USP6NL: variants seen among roughly 807,000 people sequenced by gnomAD.
The protein encoded by USP6NL is USP6 N-terminal like, also known as USP6 N-terminal-like protein.
In USP6NL, 26 loss-of-function variants were observed where a neutral mutation model predicts 61.9. That is an observed-to-expected ratio of 0.42 (90% CI 0.31 to 0.58). USP6NL has a LOEUF of 0.58. USP6NL is among the 20% of genes least tolerant of loss of function. The pLI, the probability that USP6NL is intolerant of heterozygous loss-of-function variation, is 0.16. For missense variants in USP6NL, 1,114 were observed against 1,034.3 expected, an observed-to-expected ratio of 1.08 and a Z score of -1.06; for synonymous variants, 432 against 390.1, an observed-to-expected ratio of 1.11 and a Z score of -1.27.
At chr10:11,564,635 A>C (rs553541433) in intron 2 of USP6NL, 1 of 152,352 alleles carries the variant, frequency 6.6e-6, no homozygotes, top group South Asian at 2.1e-4. Flanking sequence ...CATACGCTGT[A>C]AGATAATAAG....
chr10:11,518,420 A>C lies in USP6NL; in HGVS notation c.195+115T>G, dbSNP rs896646085. 5 of 891,112 alleles carry C rather than the reference A, an allele frequency of 5.6e-6. No homozygotes were observed. The Admixed American group carries it at 6.6e-5, about 12-fold the overall frequency. 55.2% of individuals were successfully genotyped at this position (891,112 alleles called of 1,614,324 possible). ...GCATAATGAGGTCCAAAATCTAACAATGACTGTACCATTCCCATATAATAT... is the reference window on the plus strand; with the variant it reads ...GCATAATGAGGTCCAAAATCTAACACTGACTGTACCATTCCCATATAATAT... On this transcript the variant is annotated intron_variant, in intron 5 of 14. Transcript: ENST00000609104. The surrounding 1 kb of genome is among the most constrained non-coding windows in gnomAD (Gnocchi z 5.3).
chr10:11,588,570 A>G (rs1404824534), intron 2 of USP6NL, among the ~76,000 whole-genome samples: 1 of 152,212 alleles, frequency 6.6e-6, no homozygotes, highest in Non-Finnish European at 1.5e-5. Context: ...CAAGGAGTAG[A>G]TGTAAGAATT....
Position 11,543,873 on chromosome 10 carries a change from G to A in USP6NL, c.5-16306C>T, listed in dbSNP as rs187853587. Among the ~76,000 whole-genome samples, 1,049 of 142,630 alleles carry A rather than the reference G, an allele frequency of 7.4e-3. 13 individuals are homozygous for A. Among genetic ancestry groups the A allele is most frequent in the Non-Finnish European group, 0.011 (743 of 65,940 alleles). The allele number at this position is 142,630 out of a possible 152,430, so 93.6% of individuals were successfully genotyped here. On this transcript the variant is annotated intron_variant, in intron 2 of 14. Coordinates refer to ENST00000609104, the MANE Select transcript of USP6NL (RefSeq NM_014688.5). ...TGTCACCAGGATGGAGTGCAGTGGCGCAGTCTCGGCTCACTGCAACCTCCG... is the reference window on the plus strand; with the variant it reads ...TGTCACCAGGATGGAGTGCAGTGGCACAGTCTCGGCTCACTGCAACCTCCG...
intron 4 of USP6NL, among the ~76,000 whole-genome samples, chr10:11,521,817 G>C (rs1407046791): frequency 6.6e-6 from 1 of 152,150 alleles, no homozygotes; most frequent in Non-Finnish European, 1.5e-5. Context: ...CTGAAGCTTG[G>C]TATTAATTTT....
At chr10:11,588,099 T>A (rs1461315122) in intron 2 of USP6NL, among the ~76,000 whole-genome samples, 1 of 152,222 alleles carries the variant, frequency 6.6e-6, no homozygotes, top group Non-Finnish European at 1.5e-5. Flanking sequence ...CCATCATCCA[T>A]CATCTGAGGA....
In USP6NL at chr10:11,485,141, TG is replaced by T; in HGVS notation, c.825+27del. 6.5e-7 allele frequency: 1 copy of T among 1,537,684 alleles called. No homozygotes were observed. Among genetic ancestry groups the T allele is most frequent in the African/African-American group, 1.4e-5 (1 of 72,250 alleles). The stretch of plus-strand genomic sequence containing the variant: ...CCCTCACCTTGTATTTATAATTTTA[TG>T]ACTGAGTTTTGTAAATAAATACTTA... On this transcript the variant is annotated intron_variant, in intron 12 of 14. Transcript: ENST00000609104. The surrounding 1 kb of genome is among the most constrained non-coding windows in gnomAD (Gnocchi z 4.8).
At position 11,465,616 on chromosome 10, in the gene USP6NL, T is replaced by C. The variant is rs543733295; in HGVS notation, c.1079-1767A>G. On this transcript the variant is annotated intron_variant, in intron 14 of 14. Coordinates refer to ENST00000609104, the MANE Select transcript of USP6NL (RefSeq NM_014688.5). The surrounding 1 kb of genome is among the most constrained non-coding windows in gnomAD (Gnocchi z 4.5). ...GGTCTGCTGCTGCTGCTGCTGCTAC[T>C]GCTGCTGTGCCTGTACGTGCTCTCC... 5.9e-5 allele frequency among the ~76,000 whole-genome samples: 9 copies of C among 152,380 alleles called. No individual in the cohort carries two copies. The South Asian group carries it at 1.9e-3, about 32-fold the overall frequency.
In USP6NL at chr10:11,527,560, GTC is replaced by G. The variant is rs755204217; in HGVS notation, c.10_11del (p.Asp4ProfsTer13). On this transcript the variant is annotated frameshift_variant, in exon 3 of 15. Coordinates refer to ENST00000609104, the MANE Select transcript of USP6NL (RefSeq NM_014688.5). LOFTEE classifies it high-confidence loss of function. ...GGGCAAGTTTGAGTGCTACATCCTG[GTC>G]TGAATCTGTGGAGAAGACATCAAAT... is the stretch of plus-strand genomic sequence containing the variant. MNS[D>X]QDVALKLAQE... 1 of 1,608,344 alleles carries G rather than the reference GTC, an allele frequency of 6.2e-7. No individual in the cohort carries two copies. Among genetic ancestry groups the G allele is most frequent in the Non-Finnish European group, 8.5e-7 (1 of 1,177,124 alleles).
chr10:11,524,742 T>C (rs957996582), intron 4 of USP6NL, among the ~76,000 whole-genome samples: 32 of 152,264 alleles, frequency 2.1e-4, no homozygotes, highest in Middle Eastern at 3.4e-3. Context: ...AATCCTTAAA[T>C]TGCATGGAAC....
In USP6NL at chr10:11,462,301, C is replaced by A; in HGVS notation, c.*140G>T. 1 of 1,015,726 alleles carries A rather than the reference C, an allele frequency of 9.8e-7. No homozygotes were observed. The highest frequency in any genetic ancestry group is 1.4e-6 in the Non-Finnish European group (1 of 715,980). 62.9% of individuals were successfully genotyped at this position (1,015,726 alleles called of 1,614,324 possible). A position where few individuals can be genotyped will look rare whatever the true frequency, so the allele number is the denominator to read the frequency against. On this transcript the variant is annotated 3_prime_UTR_variant, in exon 15 of 15. Transcript: ENST00000609104. Reference sequence around the variant, plus strand: ...CATCTACGTGGGGCTGAAGACATTTCCCTGTATTCTTACTACTAACAGACA... The same window carrying A: ...CATCTACGTGGGGCTGAAGACATTTACCTGTATTCTTACTACTAACAGACA...
rs1193447020 is a variant in USP6NL, at chr10:11,513,001, G to A, written c.196-3326C>T. Among the ~76,000 whole-genome samples the A allele has an allele frequency of 2.0e-5, 3 of 152,298 alleles. No homozygotes were observed. In the East Asian group the frequency reaches 5.8e-4, roughly 29 times the overall value. On this transcript the variant is annotated intron_variant, in intron 5 of 14. Transcript: ENST00000609104. This position sits in a 1 kb window ranked among gnomAD's most constrained non-coding sequence, Gnocchi z 4.7. ...CATTGTTACAGCACCTAACACCTGTGTTCTAGTTGGCCTAAATGCCCAAAT... is the reference window on the plus strand; with the variant it reads ...CATTGTTACAGCACCTAACACCTGTATTCTAGTTGGCCTAAATGCCCAAAT...
In USP6NL at chr10:11,525,537, G is replaced by A; in HGVS notation, c.73-69C>T. The A allele has an allele frequency of 7.4e-7, 1 of 1,346,090 alleles. No homozygotes were observed. The highest frequency in any genetic ancestry group is 1.0e-6 in the Non-Finnish European group (1 of 995,232). The allele number at this position is 1,346,090 out of a possible 1,614,324, so 83.4% of individuals were successfully genotyped here. A position where few individuals can be genotyped will look rare whatever the true frequency, so the allele number is the denominator to read the frequency against. ...ACTGAATAATTTTTTAAAATAAAAGGACGAAGAAATAAGAGCTATTTTTAA... is the reference window on the plus strand; with the variant it reads ...ACTGAATAATTTTTTAAAATAAAAGAACGAAGAAATAAGAGCTATTTTTAA... On this transcript the variant is annotated intron_variant, in intron 3 of 14. Transcript: ENST00000609104. This position sits in a 1 kb window ranked among gnomAD's most constrained non-coding sequence, Gnocchi z 5.0.
At chr10:11,541,227 T>C (rs1279372607) in intron 2 of USP6NL, among the ~76,000 whole-genome samples, 8 of 79,974 alleles carry the variant, frequency 1.0e-4, no homozygotes, top group African/African-American at 3.5e-4. Flanking sequence ...ACATCAATAG[T>C]GCCATATATA....
intron 2 of USP6NL, among the ~76,000 whole-genome samples, chr10:11,555,433 A>AAAAAAATATATATATATAT (rs1275798295): frequency 2.0e-5 from 1 of 49,040 alleles, no homozygotes; most frequent in Non-Finnish European, 3.4e-5. Flanking sequence ...AAAAAAAAAA[A>AAAAAAATATATATATATAT]ATATATATAT....
chr10:11,570,956 C>A (rs1837335832), intron 2 of USP6NL, among the ~76,000 whole-genome samples: 1 of 152,214 alleles, frequency 6.6e-6, no homozygotes, highest in South Asian at 2.1e-4. Context: ...TCAAAACACA[C>A]TAACCCACTA....
Position 11,463,198 on chromosome 10 carries a change from G to C in USP6NL, c.1730C>G (p.Pro577Arg), listed in dbSNP as rs201400885. The change falls in exon 15 of 15, where the codon CCC becomes CGC. Residue 577 changes from proline (P) to arginine (R), a missense_variant. By Grantham distance (103) the Pro-to-Arg change is moderately radical (BLOSUM62 -2). Coordinates refer to ENST00000609104, the MANE Select transcript of USP6NL (RefSeq NM_014688.5). This position sits in a 1 kb window ranked among gnomAD's most constrained non-coding sequence, Gnocchi z 6.3. Reference protein sequence around the residue: ...EALERAYSQSPRHALYPPSPR... With the variant: ...EALERAYSQSRRHALYPPSPR... ...GCTAGGAGGGTAAAGGGCATGCCGG[G>C]GGCTCTGGGAGTAAGCCCTTTCCAG... The C allele has an allele frequency of 6.2e-7, 1 of 1,613,502 alleles. No individual in the cohort carries two copies. The highest frequency in any genetic ancestry group is 1.1e-5 in the South Asian group (1 of 91,090).
At chr10:11,467,297 A>T (rs1832512933) in intron 14 of USP6NL, among the ~76,000 whole-genome samples, 1 of 152,254 alleles carries the variant, frequency 6.6e-6, no homozygotes. Flanking sequence ...AGAGCAGGTA[A>T]ATATATCACA....
At chr10:11,542,966 A>G (rs1244470783) in intron 2 of USP6NL, among the ~76,000 whole-genome samples, 4 of 151,540 alleles carry the variant, frequency 2.6e-5, no homozygotes, top group Admixed American at 1.3e-4. Context: ...CAGGAGCAGA[A>G]GTATATATAG....
rs754866549 is a variant in USP6NL, at chr10:11,513,360, G to C, written c.196-3685C>G. 2.0e-5 allele frequency among the ~76,000 whole-genome samples: 3 copies of C among 152,188 alleles called. No individual in the cohort carries two copies. The highest frequency in any genetic ancestry group is 7.2e-5 in the African/African-American group (3 of 41,446). ...GAAATGGAATTATTCCATCATGCGG[G>C]TAACACTTTTCAAAGTGTTGCCAAA... On this transcript the variant is annotated intron_variant, in intron 5 of 14. Transcript: ENST00000609104. The surrounding 1 kb of genome is among the most constrained non-coding windows in gnomAD (Gnocchi z 4.7).
Sources: gnomAD v4.1 joint callset for allele counts (sites outside exome capture counted in the v4.1 genomes callset) on GRCh38, gnomAD v4.1.1 for gene constraint, Gnocchi (gnomAD v3.1) non-coding constraint, MANE v1.5 for transcripts, NCBI Gene and HGNC (gene_info 2026-07-23, HGNC 2026-07-21) for gene names.